ERGIC3: variants seen among roughly 807,000 people sequenced by gnomAD.
ERGIC3 encodes the protein endoplasmic reticulum-Golgi intermediate compartment protein 3.
A neutral mutation model predicts 54.7 loss-of-function variants in ERGIC3; 33 were observed. That is an observed-to-expected ratio of 0.60 (90% CI 0.46 to 0.81). The LOEUF is 0.81. Among genes scored for constraint, ERGIC3 ranks in the 30% least tolerant of loss-of-function variants. The pLI is 0.00. For missense variants in ERGIC3, 399 were observed against 488.4 expected (o/e 0.82, Z 1.73); for synonymous variants, 186 against 189.8 (o/e 0.98, Z 0.16).
At chr20:35,543,077 G>T (rs1404825068) in intron 4 of ERGIC3, 136 bp downstream of exon 4, 1 of 1,303,512 alleles carries the variant, frequency 7.7e-7, no homozygotes, top group African/African-American at 1.5e-5. Context: ...ACTTGCCTAG[G>T]GTCCCCCAGC....
chr20:35,555,812 CAAA>C (rs60761936), intron 8 of ERGIC3, among the ~76,000 whole-genome samples: 23 of 80,550 alleles, frequency 2.9e-4, no homozygotes, highest in Non-Finnish European at 3.6e-4. Context: ...GACCTTGTCT[CAAA>C]AAAAAAAAAA....
intron 4 of ERGIC3, chr20:35,543,631 G>A (rs1053176714): frequency 4.2e-6 from 2 of 471,134 alleles, no homozygotes; most frequent in African/African-American, 2.0e-5. Flanking sequence ...TTACTCTGGT[G>A]GGGAGTTTTA....
intron 12 of ERGIC3, 70 bp from the exon 13 acceptor site, chr20:35,557,355 G>A (rs776057401): frequency 1.0e-4 from 168 of 1,608,228 alleles, no homozygotes; most frequent in Non-Finnish European, 1.4e-4. Flanking sequence ...GGCCAGTTAA[G>A]TGACAAGGCT....
At chr20:35,554,731 G>A in intron 7 of ERGIC3, 1 of 591,754 alleles carries the variant, frequency 1.7e-6, no homozygotes, top group Non-Finnish European at 3.0e-6. Flanking sequence ...GTTAGTGAGA[G>A]CCCATAGTCG....
chr20:35,545,936 A>G (rs954922307), intron 4 of ERGIC3, among the ~76,000 whole-genome samples: 1 of 152,202 alleles, frequency 6.6e-6, no homozygotes, highest in East Asian at 1.9e-4. Context: ...TGGGGAGTCA[A>G]TGTAGGTAGA....
intron 4 of ERGIC3, 141 bp from the exon 5 acceptor site, chr20:35,547,271 G>C (rs1601362088): frequency 1.6e-6 from 1 of 639,438 alleles, no homozygotes; most frequent in Non-Finnish European, 2.8e-6. Flanking sequence ...AGTGCTTAAT[G>C]CCTGACCCGT....
At chr20:35,551,701 C>G (rs980860617) in intron 7 of ERGIC3, among the ~76,000 whole-genome samples, 2 of 152,204 alleles carry the variant, frequency 1.3e-5, no homozygotes, top group African/African-American at 4.8e-5. Context: ...TGGCATCCTG[C>G]CAGCCACGGA....
rs764276234 is a variant in ERGIC3 at position 35,542,381 on chromosome 20, C to T, written c.147C>T (p.Tyr49=). 1 of 1,613,920 alleles carries T rather than the reference C, an allele frequency of 6.2e-7. No homozygotes were observed. The highest frequency in any genetic ancestry group is 8.5e-7 in the Non-Finnish European group (1 of 1,180,008). ...LLLFLSELQY[Y]LTTEVHPELY... is the part of the protein sequence containing the mutation. ...TGTTCCTGTCCGAGCTGCAGTATTA[C>T]CTCACCACGGAGGTAAGGGGCGGGG... The change falls in exon 2 of 13, where the codon TAC becomes TAT. Residue 49 remains tyrosine (Y), a synonymous_variant. Coordinates refer to ENST00000348547, the MANE Select transcript of ERGIC3 (RefSeq NM_015966.3).
chr20:35,548,461 T>C, intron 5 of ERGIC3, 48 bp from the exon 6 acceptor site: 2 of 1,597,150 alleles, frequency 1.3e-6, no homozygotes, highest in Non-Finnish European at 1.7e-6. Flanking sequence ...ATGCCAGCAC[T>C]GGACTTATGC....
intron 7 of ERGIC3, among the ~76,000 whole-genome samples, chr20:35,550,560 G>T (rs2064676226): frequency 6.6e-6 from 1 of 152,170 alleles, no homozygotes; most frequent in African/African-American, 2.4e-5. Flanking sequence ...AGGTTGCAGT[G>T]AGCTGAAATT....
chr20:35,556,449 T>C, intron 10 of ERGIC3, 178 bp downstream of exon 10: 4 of 661,778 alleles, frequency 6.0e-6, no homozygotes, highest in Non-Finnish European at 1.0e-5. Context: ...GGCCTGGGGC[T>C]GTTAGATTTA....
At chr20:35,555,818 A>G (rs1203093279) in intron 8 of ERGIC3, among the ~76,000 whole-genome samples, 1 of 151,736 alleles carries the variant, frequency 6.6e-6, no homozygotes, top group Non-Finnish European at 1.5e-5. Context: ...GTCTCAAAAA[A>G]AAAAAAAAAA....
Position 35,556,020 on chromosome 20 carries a change from GTGT to G in ERGIC3, c.718-8_718-6del, listed in dbSNP as rs779039048. The G allele has an allele frequency of 3.1e-6, 5 of 1,612,906 alleles. No homozygotes were observed. The highest frequency in any genetic ancestry group is 4.2e-6 in the Non-Finnish European group (5 of 1,179,060). ...CAGAGCTTTGGATGAGCTCTGGATGGTGTTGTTTACAGATCAACATGACCCACT... is the reference window on the plus strand; with the variant it reads ...CAGAGCTTTGGATGAGCTCTGGATGGTGTTTACAGATCAACATGACCCACT... On this transcript the variant is annotated splice_polypyrimidine_tract_variant and intron_variant, in intron 8 of 12. Transcript: ENST00000348547.
Position 35,542,085 on chromosome 20 carries a change from C to G in ERGIC3, c.-13C>G. ...GGGCGGGCCGGCTGGCGTCCCCTTT[C>G]CGGCCGGTCCCCATGGAGGCGCTGG... On this transcript the variant is annotated 5_prime_UTR_variant, in exon 1 of 13. Coordinates refer to ENST00000348547, the MANE Select transcript of ERGIC3 (RefSeq NM_015966.3). 6.6e-7 allele frequency: 1 copy of G among 1,519,078 alleles called. No individual in the cohort carries two copies. The highest frequency in any genetic ancestry group is 1.4e-5 in the African/African-American group (1 of 71,944). The allele number at this position is 1,519,078 out of a possible 1,614,324, so 94.1% of individuals were successfully genotyped here.
intron 8 of ERGIC3, among the ~76,000 whole-genome samples, chr20:35,555,812 C>CAAAA (rs60761936): frequency 4.0e-4 from 32 of 80,594 alleles, no homozygotes; most frequent in African/African-American, 1.2e-3. Context: ...GACCTTGTCT[C>CAAAA]AAAAAAAAAA....
At chr20:35,554,916 G>A (rs760121325) in intron 7 of ERGIC3, 128 bp from the exon 8 acceptor site, 5 of 1,141,704 alleles carry the variant, frequency 4.4e-6, no homozygotes, top group South Asian at 3.7e-5. Flanking sequence ...GGACCAGGAG[G>A]TGCCAGGCTG....
In ERGIC3 at chr20:35,548,469, T is replaced by A. The variant is rs77272989; in HGVS notation, c.462-40T>A. 3,754 of 1,604,728 alleles carry A rather than the reference T, an allele frequency of 2.3e-3. 73 individuals are homozygous for A. The African/African-American group carries it at 0.044, about 19-fold the overall frequency. ...TCCCCAGATGCCAGCACTGGACTTA[T>A]GCCTCTTTAACACTCTCACCGTCAC... is the stretch of plus-strand genomic sequence containing the variant. On this transcript the variant is annotated intron_variant, in intron 5 of 12. Transcript: ENST00000348547.
intron 7 of ERGIC3, among the ~76,000 whole-genome samples, chr20:35,553,041 T>TTTTTTTTTTTTTTG (rs2064690318): frequency 1.5e-5 from 2 of 135,006 alleles, no homozygotes; most frequent in Non-Finnish European, 3.2e-5. Context: ...TTTTTTTTTT[T>TTTTTTTTTTTTTTG]TTTTTTTGAG....
Position 35,542,102 on chromosome 20 carries a change from A to T in ERGIC3, c.5A>T (p.Glu2Val). 6.5e-7 allele frequency: 1 copy of T among 1,545,482 alleles called. No individual in the cohort carries two copies. Among genetic ancestry groups the T allele is most frequent in the Non-Finnish European group, 8.7e-7 (1 of 1,146,776 alleles). The change falls in exon 1 of 13, where the codon GAG becomes GTG. Residue 2 changes from glutamate to valine, a missense_variant. Coordinates refer to ENST00000348547, the MANE Select transcript of ERGIC3 (RefSeq NM_015966.3). M[E>V]ALGKLKQFDA... ...TCCCCTTTCCGGCCGGTCCCCATGG[A>T]GGCGCTGGGGAAGCTGAAGCAGTTC...
Sources: gnomAD v4.1 joint callset for allele counts (sites outside exome capture counted in the v4.1 genomes callset) on GRCh38, gnomAD v4.1.1 for gene constraint, MANE v1.5 for transcripts, NCBI Gene and HGNC (gene_info 2026-07-23, HGNC 2026-07-21) for gene names.